The following SEMA3A variants were observed in gnomAD, a reference collection of about 807,000 sequenced individuals.
SEMA3A encodes the protein semaphorin 3A.
SEMA3A carries 29 observed loss-of-function variants against 97.9 expected under a neutral mutation model. That is an observed-to-expected ratio of 0.30 (90% CI 0.22 to 0.40). The LOEUF (loss-of-function observed/expected upper bound fraction) is 0.40, where lower values mean the gene tolerates loss of function less well. Ranked by LOEUF, SEMA3A falls within the 10% of genes least tolerant of loss-of-function variation. The pLI is 1.00. For missense variants in SEMA3A, 763 were observed against 951.3 expected, an observed-to-expected ratio of 0.80 and a Z score of 2.60; for synonymous variants, 321 against 323.7, an observed-to-expected ratio of 0.99 and a Z score of 0.09.
chr7:83,963,392 A>C, intron 15 of SEMA3A, 45 bp from the exon 16 acceptor site: 2 of 1,568,578 alleles, frequency 1.3e-6, no homozygotes, highest in South Asian at 1.1e-5. Flanking sequence ...TTAGAGAAGT[A>C]ATTTCAACTT....
At chr7:84,106,685 A>T (rs1795117911) in intron 4 of SEMA3A, among the ~76,000 whole-genome samples, 1 of 152,206 alleles carries the variant, frequency 6.6e-6, no homozygotes, top group Non-Finnish European at 1.5e-5. Flanking sequence ...TAAGAAAGTA[A>T]GCCCTGTTTT....
intron 2 of SEMA3A, among the ~76,000 whole-genome samples, chr7:84,339,668 G>T (rs1288674279): frequency 1.3e-5 from 2 of 152,042 alleles, no homozygotes; most frequent in East Asian, 3.9e-4. Flanking sequence ...GGGGCATTTG[G>T]GTTCCACTTA....
At chr7:84,398,899 T>C (rs1343817213) in intron 1 of SEMA3A, among the ~76,000 whole-genome samples, 1 of 152,094 alleles carries the variant, frequency 6.6e-6, no homozygotes, top group African/African-American at 2.4e-5. Flanking sequence ...CCTCCAGCAA[T>C]TGTACCCCCC....
chr7:83,966,142 C>A, intron 15 of SEMA3A, among the ~76,000 whole-genome samples: 1 of 151,864 alleles, frequency 6.6e-6, no homozygotes, highest in Non-Finnish European at 1.5e-5. Flanking sequence ...TGGTGGCAAG[C>A]TTTTTCCAAT....
In SEMA3A at chr7:83,970,454, A is replaced by G. The variant is rs755603474; in HGVS notation, c.1717+6678T>C. Among the ~76,000 whole-genome samples the G allele has an allele frequency of 2.6e-5, 4 of 152,154 alleles. No homozygotes were observed. The East Asian group carries it at 7.7e-4, about 29-fold the overall frequency. On this transcript the variant is annotated intron_variant, in intron 15 of 16. Coordinates refer to ENST00000265362, the MANE Select transcript of SEMA3A (RefSeq NM_006080.3). ...AGAAGGCATCACATTTCAGCTTTCT[A>G]TTTATTCACTCTCCATTTTAACCCC...
chr7:84,353,393 G>A (rs1488503843), intron 2 of SEMA3A, among the ~76,000 whole-genome samples: 1 of 151,346 alleles, frequency 6.6e-6, no homozygotes, highest in Non-Finnish European at 1.5e-5. Context: ...TAATAGGGGT[G>A]TTTTTGAAAT....
chr7:84,129,476 A>T (rs1438119800), intron 2 of SEMA3A, among the ~76,000 whole-genome samples: 1 of 152,220 alleles, frequency 6.6e-6, no homozygotes, highest in East Asian at 1.9e-4. Context: ...ACTAGCACAC[A>T]GATTGGGAGA....
intron 5 of SEMA3A, among the ~76,000 whole-genome samples, chr7:84,046,916 C>T (rs1318108532): frequency 2.6e-5 from 4 of 151,992 alleles, no homozygotes; most frequent in East Asian, 1.9e-4. Context: ...ATCTTTTATA[C>T]ACTTCTTTCT....
chr7:84,492,354 G>A (rs1584362102), intron 1 of SEMA3A: 1 of 152,240 alleles, frequency 6.6e-6, no homozygotes, highest in Middle Eastern at 3.4e-3. Context: ...ATGAACATAA[G>A]CTTTGTCCTA....
intron 1 of SEMA3A, among the ~76,000 whole-genome samples, chr7:84,188,193 G>A (rs1187014368): frequency 6.6e-6 from 1 of 151,928 alleles, no homozygotes; most frequent in Admixed American, 6.6e-5. Flanking sequence ...CCCTAAGCTT[G>A]TAAAAACTCC....
At chr7:84,423,467 T>A (rs1188261992) in intron 1 of SEMA3A, among the ~76,000 whole-genome samples, 1 of 152,108 alleles carries the variant, frequency 6.6e-6, no homozygotes, top group African/African-American at 2.4e-5. Context: ...CTCACGTATT[T>A]CACTTAACCA....
chr7:84,035,196 C>T (rs1261818001), intron 6 of SEMA3A, among the ~76,000 whole-genome samples: 6 of 151,912 alleles, frequency 3.9e-5, no homozygotes, highest in Non-Finnish European at 5.9e-5. Context: ...AATAATATGC[C>T]TCCAGATCTT....
chr7:84,407,352 C>G (rs934023460), intron 1 of SEMA3A, among the ~76,000 whole-genome samples: 4 of 152,116 alleles, frequency 2.6e-5, no homozygotes, highest in Non-Finnish European at 5.9e-5. Context: ...TGAAGGACCT[C>G]TTCAAGGAGA....
chr7:84,445,153 T>C (rs1805377182), intron 1 of SEMA3A, among the ~76,000 whole-genome samples: 1 of 152,108 alleles, frequency 6.6e-6, no homozygotes, highest in Non-Finnish European at 1.5e-5. Context: ...ATGAACATTC[T>C]GAAGTCACAT....
At chr7:84,006,437 A>AATC (rs2116399886) in intron 10 of SEMA3A, among the ~76,000 whole-genome samples, 1 of 152,054 alleles carries the variant, frequency 6.6e-6, no homozygotes, top group African/African-American at 2.4e-5. Flanking sequence ...CAAAAAGACC[A>AATC]ATCAGAATGC....
intron 15 of SEMA3A, among the ~76,000 whole-genome samples, chr7:83,965,041 A>G (rs574972310): frequency 2.6e-5 from 4 of 152,224 alleles, no homozygotes; most frequent in African/African-American, 9.6e-5. Context: ...ACAGAAGTTA[A>G]TGCTATTTAC....
chr7:84,444,458 C>G (rs1264022185), intron 1 of SEMA3A, among the ~76,000 whole-genome samples: 1 of 151,872 alleles, frequency 6.6e-6, no homozygotes, highest in African/African-American at 2.4e-5. Context: ...AGAGCACAAA[C>G]AAATTAATTT....
chr7:84,200,888 T>C (rs1334740883), intron 3 of SEMA3A, among the ~76,000 whole-genome samples: 1 of 151,650 alleles, frequency 6.6e-6, no homozygotes, highest in African/African-American at 2.4e-5. Context: ...TTGTTAATAC[T>C]GATCAGTACA....
chr7:83,961,327 T>G lies in SEMA3A; in HGVS notation c.*44A>C. 1.3e-6 allele frequency: 2 copies of G among 1,483,736 alleles called. No individual in the cohort carries two copies. Among genetic ancestry groups the G allele is most frequent in the Non-Finnish European group, 1.9e-6 (2 of 1,064,424 alleles). The allele number at this position is 1,483,736 out of a possible 1,614,324, so 91.9% of individuals were successfully genotyped here. A position where few individuals can be genotyped will look rare whatever the true frequency, so the allele number is the denominator to read the frequency against. ...TGCATTTGTTTTTCCAGTTATTGTC[T>G]AGGCAAGTTTCTACTTGTTTGAGGT... On this transcript the variant is annotated 3_prime_UTR_variant, in exon 17 of 17. Transcript: ENST00000265362.
Sources: allele counts gnomAD v4.1 joint callset (sites outside exome capture counted in the v4.1 genomes callset), GRCh38; gene constraint gnomAD v4.1.1; transcripts MANE v1.5; gene names NCBI Gene and HGNC (gene_info 2026-07-23, HGNC 2026-07-21).